Variants in SFXN1 observed in about 807,000 individuals in gnomAD.
SFXN1 encodes the protein sideroflexin 1.
A neutral mutation model predicts 39.5 loss-of-function variants in SFXN1; 32 were observed. The observed-to-expected ratio is 0.81, with a 90% confidence interval of 0.61 to 1.09. The LOEUF (loss-of-function observed/expected upper bound fraction) is 1.09. Ranked by LOEUF, SFXN1 falls within the 50% of genes least tolerant of loss-of-function variation. The pLI, the probability that SFXN1 is intolerant of heterozygous loss-of-function variation, is 0.00. For missense variants in SFXN1, 402 were observed against 407.1 expected, an observed-to-expected ratio of 0.99 and a Z score of 0.11; for synonymous variants, 136 against 146.5, an observed-to-expected ratio of 0.93 and a Z score of 0.52.
intron 8 of SFXN1, among the ~76,000 whole-genome samples, chr5:175,519,864 C>CTTTT (rs369561037): frequency 1.2e-3 from 90 of 77,240 alleles, no homozygotes; most frequent in African/African-American, 1.7e-3. Context: ...GGGTTTTTTG[C>CTTTT]TTTTTTTTTT....
intron 1 of SFXN1, among the ~76,000 whole-genome samples, chr5:175,484,848 A>C (rs1181436078): frequency 6.6e-6 from 1 of 152,154 alleles, no homozygotes; most frequent in Non-Finnish European, 1.5e-5. Flanking sequence ...GGTGCGCACC[A>C]CCACGCTCAG....
chr5:175,512,742 TAATA>T (rs578188021), intron 6 of SFXN1, among the ~76,000 whole-genome samples: 194 of 152,254 alleles, frequency 1.3e-3, no homozygotes, highest in African/African-American at 4.3e-3. Flanking sequence ...TAAATATAGT[TAATA>T]AATATACAGT....
chr5:175,491,105 A>G (rs548257837), intron 1 of SFXN1, among the ~76,000 whole-genome samples: 5 of 152,220 alleles, frequency 3.3e-5, no homozygotes, highest in Non-Finnish European at 5.9e-5. Flanking sequence ...TTACTCAGAG[A>G]AAGAAATTAA....
intron 2 of SFXN1, among the ~76,000 whole-genome samples, chr5:175,495,111 G>A (rs773649611): frequency 2.0e-4 from 30 of 152,218 alleles, no homozygotes; most frequent in Admixed American, 1.2e-3. Context: ...CAATGAAATA[G>A]CATTCAGCCT....
At chr5:175,492,581 A>C in intron 2 of SFXN1, 1 of 215,376 alleles carries the variant, frequency 4.6e-6, no homozygotes, top group Non-Finnish European at 9.1e-6. Flanking sequence ...TACGACATCC[A>C]CAACCCCTCC....
intron 10 of SFXN1, chr5:175,524,103 C>CAA (rs1196739370): frequency 5.9e-4 from 31 of 52,130 alleles, no homozygotes; most frequent in African/African-American, 1.2e-3. Flanking sequence ...GATTCTGTCT[C>CAA]AAAAAAAAAA....
intron 2 of SFXN1, among the ~76,000 whole-genome samples, chr5:175,495,321 T>C (rs1352156536): frequency 6.6e-6 from 1 of 152,154 alleles, no homozygotes; most frequent in Admixed American, 6.6e-5. Flanking sequence ...GGAGTTAGTG[T>C]TTAATGGGGA....
intron 6 of SFXN1, among the ~76,000 whole-genome samples, chr5:175,512,437 A>T (rs1327767256): frequency 6.6e-6 from 1 of 152,214 alleles, no homozygotes; most frequent in Admixed American, 6.5e-5. Context: ...GAGGGGGCTG[A>T]TGCTGGAATA....
At chr5:175,522,527 C>A in intron 10 of SFXN1, 105 bp downstream of exon 10, 2 of 1,157,744 alleles carry the variant, frequency 1.7e-6, no homozygotes, top group South Asian at 1.4e-5. Flanking sequence ...AGTTGAGACT[C>A]AAAAGATACT....
chr5:175,489,114 A>AC (rs1759561155), intron 1 of SFXN1, among the ~76,000 whole-genome samples: 1 of 84,804 alleles, frequency 1.2e-5, no homozygotes, highest in Non-Finnish European at 2.5e-5. Flanking sequence ...CTTTTTTTAG[A>AC]CCTTCTGAAA....
chr5:175,520,903 T>C (rs1760860834), intron 8 of SFXN1, among the ~76,000 whole-genome samples: 1 of 152,106 alleles, frequency 6.6e-6, no homozygotes, highest in South Asian at 2.1e-4. Context: ...CTGTGTAACC[T>C]GTGAAGACTA....
In SFXN1 at chr5:175,509,078, G is replaced by T. The variant is rs756802917; in HGVS notation, c.211G>T (p.Ala71Ser). ...PGLTENELWR[A>S]KYIYDSAFHP... is the part of the protein sequence containing the mutation. ...TCTTACAGAAAATGAATTGTGGAGAGCAAAGTACATCTATGATTCAGCTTT... is the reference window on the plus strand; with the variant it reads ...TCTTACAGAAAATGAATTGTGGAGATCAAAGTACATCTATGATTCAGCTTT... Residue 71 changes from alanine to serine, a missense_variant, in exon 3 of 11, where the codon GCA becomes TCA. By Grantham distance (99) the Ala-to-Ser change is moderately conservative. Coordinates refer to ENST00000321442, the MANE Select transcript of SFXN1 (RefSeq NM_022754.7). 1 of 1,613,304 alleles carries T rather than the reference G, an allele frequency of 6.2e-7. No homozygotes were observed. The highest frequency in any genetic ancestry group is 8.5e-7 in the Non-Finnish European group (1 of 1,179,754).
intron 1 of SFXN1, among the ~76,000 whole-genome samples, chr5:175,490,952 C>T (rs1256616234): frequency 6.6e-6 from 1 of 152,090 alleles, no homozygotes; most frequent in Non-Finnish European, 1.5e-5. Flanking sequence ...TGTACCAAAA[C>T]AGTAACGATG....
intron 10 of SFXN1, 34 bp from the exon 11 acceptor site, chr5:175,526,604 G>A (rs577668819): frequency 3.8e-6 from 6 of 1,571,956 alleles, no homozygotes; most frequent in East Asian, 4.5e-5. Context: ...ACCTCTGCCT[G>A]TGTAATAACC....
At chr5:175,510,324 T>C in intron 4 of SFXN1, 117 bp downstream of exon 4, 3 of 754,960 alleles carry the variant, frequency 4.0e-6, no homozygotes, top group Non-Finnish European at 6.4e-6. Flanking sequence ...GTTCAGAATA[T>C]TATGTAGCAT....
intron 5 of SFXN1, 45 bp downstream of exon 5, chr5:175,511,571 T>C: frequency 2.7e-6 from 4 of 1,485,840 alleles, no homozygotes; most frequent in East Asian, 2.3e-5. Flanking sequence ...TAATTTGTTA[T>C]CACCTGCCTG....
rs1358694161 is a variant in SFXN1 at position 175,492,272 on chromosome 5, C to A, written c.164+5C>A. ...AAAAATAGTACATGATTACAGGTAACATTAATTATTGTTTTTTGGTTTAAT... is the reference window on the plus strand; with the variant it reads ...AAAAATAGTACATGATTACAGGTAAAATTAATTATTGTTTTTTGGTTTAAT... On this transcript the variant is annotated splice_donor_5th_base_variant and intron_variant, in intron 2 of 10. Transcript: ENST00000321442. 9 of 1,599,742 alleles carry A rather than the reference C, an allele frequency of 5.6e-6. No individual in the cohort carries two copies. Among genetic ancestry groups the A allele is most frequent in the Non-Finnish European group, 6.8e-6 (8 of 1,174,526 alleles).
intron 8 of SFXN1, among the ~76,000 whole-genome samples, chr5:175,518,170 G>T (rs1760772644): frequency 6.6e-6 from 1 of 152,114 alleles, no homozygotes; most frequent in Non-Finnish European, 1.5e-5. Flanking sequence ...TTTTCTTGAA[G>T]AATAGTTCCT....
At chr5:175,491,382 A>C (rs1759648888) in intron 1 of SFXN1, 1 of 152,152 alleles carries the variant, frequency 6.6e-6, no homozygotes, top group East Asian at 1.9e-4. Context: ...TCCTAGTAGG[A>C]ATAACAGCTT....
Sources: allele counts gnomAD v4.1 joint callset (sites outside exome capture counted in the v4.1 genomes callset), GRCh38; gene constraint gnomAD v4.1.1; transcripts MANE v1.5; gene names NCBI Gene and HGNC (gene_info 2026-07-23, HGNC 2026-07-21).